LPA: variants seen among roughly 807,000 people sequenced by gnomAD.
The protein encoded by LPA is apolipoprotein(a).
A neutral mutation model predicts 197.9 loss-of-function variants in LPA; 199 were observed. The observed-to-expected ratio is 1.01, with a 90% CI of 0.90 to 1.13. The LOEUF (loss-of-function observed/expected upper bound fraction) is 1.13, where lower values mean the gene tolerates loss of function less well. LPA is among the 50% of genes most tolerant of loss of function. LPA has a pLI of 0.00. For synonymous variants in LPA, 715 were observed against 639.5 expected (o/e 1.12, Z -1.78); for missense variants, 1,853 against 1,785.8 (o/e 1.04, Z -0.68).
chr6:160,596,385 C>G (rs1191327259), intron 20 of LPA, among the ~76,000 whole-genome samples: 1 of 148,580 alleles, frequency 6.7e-6, no homozygotes, highest in Non-Finnish European at 1.5e-5. Flanking sequence ...TTCCTTGGCT[C>G]TTATTTGCTT....
intron 26 of LPA, among the ~76,000 whole-genome samples, chr6:160,579,519 T>A (rs1778750360): frequency 6.6e-6 from 1 of 152,138 alleles, no homozygotes; most frequent in African/African-American, 2.4e-5. Flanking sequence ...GACGGCTAGG[T>A]AGACTATGGG....
chr6:160,597,172 C>T (rs969536044), intron 20 of LPA, among the ~76,000 whole-genome samples: 2 of 152,054 alleles, frequency 1.3e-5, no homozygotes, highest in African/African-American at 4.8e-5. Context: ...TTAAATAGGT[C>T]GACGTTTTTA....
chr6:160,536,688 GC>G (rs1487307979), intron 37 of LPA, among the ~76,000 whole-genome samples: 4 of 152,116 alleles, frequency 2.6e-5, no homozygotes, highest in Non-Finnish European at 5.9e-5. Context: ...AACACCAGGA[GC>G]AGCCTCCCAC....
chr6:160,539,186 T>C (rs1215667075), intron 36 of LPA, among the ~76,000 whole-genome samples: 1 of 152,132 alleles, frequency 6.6e-6, no homozygotes, highest in Non-Finnish European at 1.5e-5. Flanking sequence ...CTGTCTGCAT[T>C]GACACCCTGC....
chr6:160,539,098 T>C (rs1777937474), intron 36 of LPA, among the ~76,000 whole-genome samples: 1 of 152,180 alleles, frequency 6.6e-6, no homozygotes, highest in African/African-American at 2.4e-5. Flanking sequence ...GAAGCTGCCA[T>C]GGGCTTGTGA....
At chr6:160,576,683 T>G (rs1209351898) in intron 28 of LPA, among the ~76,000 whole-genome samples, 1 of 95,664 alleles carries the variant, frequency 1.0e-5, no homozygotes, top group African/African-American at 4.2e-5. Flanking sequence ...TGTGTGTGTG[T>G]GTGTGTGTAT....
Position 160,599,426 on chromosome 6 carries a change from C to T in LPA, c.3287+74G>A. ...AGCCAAGTTGAGTCCTGAGCAGTCA[C>T]CTTGAAGCATGACTCTTCTAACAGA... On this transcript the variant is annotated intron_variant, in intron 20 of 38. Transcript: ENST00000316300. 2.5e-6 allele frequency: 4 copies of T among 1,592,286 alleles called. No homozygotes were observed. In the East Asian group the frequency reaches 6.7e-5, roughly 27 times the overall value.
At chr6:160,634,652 G>C (rs138874197) in intron 7 of LPA, among the ~76,000 whole-genome samples, 11,321 of 147,142 alleles carry the variant, frequency 0.077, 831 homozygotes, top group Non-Finnish European at 0.12. Flanking sequence ...CTGCTCCATA[G>C]ACCCAGGACC....
chr6:160,553,954 T>TGTGTGTGTGTGTGTGTGTGTGTGTGTGC (rs771903485), intron 30 of LPA, among the ~76,000 whole-genome samples: 420 of 130,746 alleles, frequency 3.2e-3, no homozygotes, highest in Non-Finnish European at 4.7e-3. Flanking sequence ...TGTGTGTGTG[T>TGTGTGTGTGTGTGTGTGTGTGTGTGTGC]GCGCGCGCGC....
chr6:160,534,472 CAG>C (rs1454615320), intron 37 of LPA, among the ~76,000 whole-genome samples: 1 of 152,132 alleles, frequency 6.6e-6, no homozygotes, highest in African/African-American at 2.4e-5. Context: ...GCCCTGGAGA[CAG>C]GGCCACGGGA....
intron 17 of LPA, among the ~76,000 whole-genome samples, chr6:160,606,090 A>G (rs769063721): frequency 3.9e-5 from 6 of 152,318 alleles, no homozygotes; most frequent in African/African-American, 7.2e-5. Context: ...TGAATCTGCA[A>G]TGCTGAAGAT....
intron 28 of LPA, among the ~76,000 whole-genome samples, chr6:160,567,598 A>G (rs1287380098): frequency 1.3e-5 from 2 of 152,228 alleles, no homozygotes; most frequent in Non-Finnish European, 2.9e-5. Flanking sequence ...GAGAAGCAAG[A>G]GCAAACACAT....
At chr6:160,601,487 G>A (rs2115055617) in intron 18 of LPA, among the ~76,000 whole-genome samples, 1 of 152,240 alleles carries the variant, frequency 6.6e-6, no homozygotes, top group Admixed American at 6.5e-5. Flanking sequence ...ATCTCTATCT[G>A]TCTAGCTCTC....
rs73594888 is a variant in LPA, at chr6:160,582,445, G to T, written c.4289+2601C>A. ...TGTTTTCCTCCTTACCACTCTAAACGTGTTATTTTGTTGTTTCTGATTTGA... is the reference window on the plus strand; with the variant it reads ...TGTTTTCCTCCTTACCACTCTAAACTTGTTATTTTGTTGTTTCTGATTTGA... On this transcript the variant is annotated intron_variant, in intron 26 of 38. Coordinates refer to ENST00000316300, the MANE Select transcript of LPA (RefSeq NM_005577.4). 9.8e-3 allele frequency among the ~76,000 whole-genome samples: 1,480 copies of T among 151,654 alleles called. 25 individuals carry two copies. The highest frequency in any genetic ancestry group is 0.034 in the African/African-American group (1,403 of 41,394).
At chr6:160,572,550 T>C (rs2115025820) in intron 28 of LPA, among the ~76,000 whole-genome samples, 1 of 152,368 alleles carries the variant, frequency 6.6e-6, no homozygotes. Context: ...GTTTCTAGGA[T>C]TTGTTTCAAG....
chr6:160,611,407 G>C (rs1779512895), intron 16 of LPA, among the ~76,000 whole-genome samples, 155 bp downstream of exon 16: 1 of 152,020 alleles, frequency 6.6e-6, no homozygotes, highest in Non-Finnish European at 1.5e-5. Context: ...TCTTCTCTCA[G>C]ACCCTTAGCT....
chr6:160,576,420 A>G (rs1177863776), intron 28 of LPA, among the ~76,000 whole-genome samples: 31 of 125,990 alleles, frequency 2.5e-4, no homozygotes, highest in African/African-American at 7.3e-4. Flanking sequence ...ATATATGGGT[A>G]TATATATATA....
chr6:160,533,191 C>T (rs914563211), intron 37 of LPA, among the ~76,000 whole-genome samples: 9 of 152,090 alleles, frequency 5.9e-5, no homozygotes, highest in African/African-American at 9.7e-5. Flanking sequence ...AATATGGTGA[C>T]GGTTGCACAC....
chr6:160,598,924 A>G (rs1562338382), intron 20 of LPA, among the ~76,000 whole-genome samples: 1 of 152,214 alleles, frequency 6.6e-6, no homozygotes, highest in African/African-American at 2.4e-5. Flanking sequence ...CCCTCAGCCG[A>G]TGTTGTAGAA....
Sources: gnomAD v4.1 joint callset for allele counts (sites outside exome capture counted in the v4.1 genomes callset) on GRCh38, gnomAD v4.1.1 for gene constraint, MANE v1.5 for transcripts, NCBI Gene and HGNC (gene_info 2026-07-23, HGNC 2026-07-21) for gene names.